The following IFT52 variants were observed in gnomAD, a reference collection of about 807,000 sequenced individuals.
The protein encoded by IFT52 is intraflagellar transport protein 52 homolog.
IFT52 carries 44 observed loss-of-function variants against 54.4 expected under a neutral mutation model. That is an observed-to-expected ratio of 0.81 (90% CI 0.63 to 1.04). IFT52 has a LOEUF of 1.04. Ranked by LOEUF, IFT52 falls within the 50% of genes least tolerant of loss-of-function variation. IFT52 has a pLI of 0.00. For missense variants in IFT52, 452 were observed against 523.6 expected (o/e 0.86, Z 1.33); for synonymous variants, 181 against 185.3 (o/e 0.98, Z 0.19).
chr20:43,595,441 C>T (rs745514039), intron 2 of IFT52, among the ~76,000 whole-genome samples: 1 of 150,000 alleles, frequency 6.7e-6, no homozygotes, highest in Non-Finnish European at 1.5e-5. Flanking sequence ...CCCAGCTGCT[C>T]GGGAGGCTGA....
chr20:43,606,512 G>A (rs1167073013), intron 6 of IFT52, among the ~76,000 whole-genome samples: 1 of 151,880 alleles, frequency 6.6e-6, no homozygotes, highest in Non-Finnish European at 1.5e-5. Flanking sequence ...GACCTCAGGT[G>A]ATCCACCTGC....
At chr20:43,615,922 G>A (rs1208568800) in intron 7 of IFT52, among the ~76,000 whole-genome samples, 2 of 142,854 alleles carry the variant, frequency 1.4e-5, no homozygotes, top group African/African-American at 5.2e-5. Flanking sequence ...GAGGCAGAGT[G>A]AGACTCCGTC....
intron 6 of IFT52, among the ~76,000 whole-genome samples, chr20:43,608,900 C>G (rs1983194529): frequency 6.8e-6 from 1 of 148,146 alleles, no homozygotes; most frequent in African/African-American, 2.5e-5. Flanking sequence ...AGATGAGACT[C>G]TGTCTCAAAA....
chr20:43,599,101 T>G (rs774701054), intron 3 of IFT52, among the ~76,000 whole-genome samples: 6 of 152,154 alleles, frequency 3.9e-5, no homozygotes, highest in African/African-American at 1.4e-4. Flanking sequence ...GAAATTACCA[T>G]TGGGAATGTG....
chr20:43,594,780 A>G lies in IFT52; in HGVS notation c.82A>G (p.Met28Val), dbSNP rs369942659. ...IFTTNNGYKS[M>V]QKKLRSNWKI... ...TACCACCAACAATGGCTACAAATCC[A>G]TGCAGAAAAAACTTCGGAGTAATTG... is the stretch of plus-strand genomic sequence containing the variant. Residue 28 changes from methionine to valine, a missense_variant, in exon 2 of 14, where the codon ATG becomes GTG. By Grantham distance (21) the Met-to-Val change is conservative. Transcript: ENST00000373030. 6 of 1,611,618 alleles carry G rather than the reference A, an allele frequency of 3.7e-6. No individual in the cohort carries two copies. In the African/African-American group the frequency reaches 5.3e-5, roughly 14 times the overall value.
intron 10 of IFT52, among the ~76,000 whole-genome samples, chr20:43,624,491 C>CT (rs1237976710): frequency 2.0e-5 from 3 of 152,118 alleles, no homozygotes; most frequent in Non-Finnish European, 4.4e-5. Context: ...CACTCTCAGT[C>CT]TAGTGCGGAT....
chr20:43,614,353 G>A (rs1983693049), intron 7 of IFT52, among the ~76,000 whole-genome samples: 1 of 151,276 alleles, frequency 6.6e-6, no homozygotes. Flanking sequence ...TCCTGCCTCA[G>A]CCTCCCGAGT....
chr20:43,630,955 CTG>C (rs1211947039), intron 10 of IFT52, among the ~76,000 whole-genome samples: 1 of 152,186 alleles, frequency 6.6e-6, no homozygotes, highest in Non-Finnish European at 1.5e-5. Context: ...TCAGCTCTCT[CTG>C]GGGACAGAAA....
intron 10 of IFT52, among the ~76,000 whole-genome samples, chr20:43,627,807 G>T (rs569880509): frequency 6.6e-6 from 1 of 151,766 alleles, no homozygotes; most frequent in South Asian, 2.1e-4. Flanking sequence ...GGCTCAAGCA[G>T]TCCTCCCACG....
rs1436530704 is a variant in IFT52 at position 43,600,197 on chromosome 20, C to G, written c.208-3563C>G. Among the ~76,000 whole-genome samples the G allele has an allele frequency of 3.3e-5, 5 of 152,138 alleles. No homozygotes were observed. The East Asian group carries it at 9.7e-4, about 29-fold the overall frequency. ...AGAACTCCGATGAATGGGATAGGTACATATGCAGACTGGTGGAAGTGATGT... is the reference window on the plus strand; with the variant it reads ...AGAACTCCGATGAATGGGATAGGTAGATATGCAGACTGGTGGAAGTGATGT... On this transcript the variant is annotated intron_variant, in intron 3 of 13. Transcript: ENST00000373030.
chr20:43,616,940 G>A (rs184441108), intron 7 of IFT52, among the ~76,000 whole-genome samples: 1 of 152,200 alleles, frequency 6.6e-6, no homozygotes, highest in Admixed American at 6.5e-5. Context: ...TTGAACCCAG[G>A]AGTTCGAGGC....
chr20:43,594,958 C>T (rs182174445), intron 2 of IFT52, 141 bp downstream of exon 2: 20 of 627,206 alleles, frequency 3.2e-5, no homozygotes, highest in South Asian at 3.1e-4. Flanking sequence ...TTAGGTCTGG[C>T]GTGGTGGCTC....
intron 3 of IFT52, among the ~76,000 whole-genome samples, chr20:43,600,294 G>T (rs1982320350): frequency 6.6e-6 from 1 of 151,846 alleles, no homozygotes. Flanking sequence ...CTAACTCTTG[G>T]TAAAGTTCTA....
intron 6 of IFT52, among the ~76,000 whole-genome samples, chr20:43,607,910 C>G (rs912089091): frequency 6.6e-6 from 1 of 152,180 alleles, no homozygotes; most frequent in Admixed American, 6.5e-5. Flanking sequence ...CTCGGGAGGC[C>G]GAGGCTGGGG....
rs377601550 is a variant in IFT52, at chr20:43,637,206, A to C, written c.1073A>C (p.Glu358Ala). The change falls in exon 12 of 14, where the codon GAA (glutamate) becomes GCA (alanine). Residue 358 changes from glutamate to alanine, a missense_variant. Glu to Ala is a moderately radical substitution (Grantham distance 107). Transcript: ENST00000373030. The stretch of plus-strand genomic sequence containing the variant: ...CCTCTGGAGCTATTTGATTTAGATG[A>C]AACGTTCTCCTCTGAGAAGGCACGG... The part of the protein sequence containing the change: ...PPPLELFDLD[E>A]TFSSEKARLA... The C allele has an allele frequency of 8.7e-6, 14 of 1,606,582 alleles. No homozygotes were observed. The highest frequency in any genetic ancestry group is 1.7e-5 in the Admixed American group (1 of 58,136).
At chr20:43,606,105 C>T (rs1301058857) in intron 6 of IFT52, among the ~76,000 whole-genome samples, 1 of 151,836 alleles carries the variant, frequency 6.6e-6, no homozygotes, top group African/African-American at 2.4e-5. Context: ...CCTATAATCC[C>T]AGCTACTGGG....
In IFT52 at chr20:43,637,194, T is replaced by C; in HGVS notation, c.1061T>C (p.Phe354Ser). The change falls in exon 12 of 14, where the codon TTT becomes TCT. Residue 354 changes from phenylalanine (F) to serine (S), a missense_variant. By Grantham distance (155) the Phe-to-Ser change is radical. Coordinates refer to ENST00000373030, the MANE Select transcript of IFT52 (RefSeq NM_016004.5). The part of the protein sequence containing the change: ...RELPPPPLEL[F>S]DLDETFSSEK... ...TTACCACCTCCTCCTCTGGAGCTATTTGATTTAGATGAAACGTTCTCCTCT... is the reference window on the plus strand; with the variant it reads ...TTACCACCTCCTCCTCTGGAGCTATCTGATTTAGATGAAACGTTCTCCTCT... 1 of 1,609,822 alleles carries C rather than the reference T, an allele frequency of 6.2e-7. No homozygotes were observed.
At chr20:43,598,485 A>G (rs1982173745) in intron 3 of IFT52, among the ~76,000 whole-genome samples, 1 of 152,158 alleles carries the variant, frequency 6.6e-6, no homozygotes, top group African/African-American at 2.4e-5. Flanking sequence ...ACTTGAGGCT[A>G]GGAGTTTGAG....
intron 10 of IFT52, among the ~76,000 whole-genome samples, chr20:43,632,261 T>C (rs1226718702): frequency 7.0e-6 from 1 of 143,138 alleles, no homozygotes; most frequent in Non-Finnish European, 1.6e-5. Context: ...TCCTGACATC[T>C]TTTTTTTTTC....
Sources: allele counts gnomAD v4.1 joint callset (sites outside exome capture counted in the v4.1 genomes callset), GRCh38; gene constraint gnomAD v4.1.1; transcripts MANE v1.5; gene names NCBI Gene and HGNC (gene_info 2026-07-23, HGNC 2026-07-21).